Variants in FRMPD4 observed in about 807,000 individuals in gnomAD.
FRMPD4 encodes the protein FERM and PDZ domain containing 4, also known as FERM and PDZ domain-containing protein 4.
A neutral mutation model predicts 94.1 loss-of-function variants in FRMPD4; 22 were observed. The observed-to-expected ratio is 0.23, with a 90% confidence interval of 0.17 to 0.33. The LOEUF (loss-of-function observed/expected upper bound fraction) is 0.33. Ranked by LOEUF, FRMPD4 falls within the 10% of genes least tolerant of loss-of-function variation. FRMPD4 has a pLI of 1.00. For synonymous variants in FRMPD4, 631 were observed against 548.6 expected, an observed-to-expected ratio of 1.15 and a Z score of -2.10; for missense variants, 1,111 against 1,339.9, an observed-to-expected ratio of 0.83 and a Z score of 2.67.
chrX:12,662,972 A>G (rs2059733187), intron 4 of FRMPD4, among the ~76,000 whole-genome samples: 1 of 112,076 alleles, frequency 8.9e-6, no homozygotes, highest in Non-Finnish European at 1.9e-5. Context: ...ACTTTTTTTC[A>G]TATGTTTGTT....
chrX:12,465,660 G>A (rs2057441582), intron 1 of FRMPD4, among the ~76,000 whole-genome samples: 1 of 111,947 alleles, frequency 8.9e-6, no homozygotes, highest in African/African-American at 3.2e-5. Context: ...AATATTTAAA[G>A]ATCAGGGTTT....
chrX:12,605,448 C>G (rs2059122895), intron 2 of FRMPD4, among the ~76,000 whole-genome samples: 2 of 111,892 alleles, frequency 1.8e-5, no homozygotes. Flanking sequence ...GTCCAAGCCA[C>G]CGCCATCAGG....
chrX:12,640,338 AG>A (rs1475947903), intron 4 of FRMPD4, among the ~76,000 whole-genome samples: 1 of 106,670 alleles, frequency 9.4e-6, no homozygotes, highest in Non-Finnish European at 1.9e-5. Flanking sequence ...TAAGGAGAGA[AG>A]GGGGAAGGAG....
chrX:11,945,521 C>G (rs1382338360), intron 3 of FRMPD4, among the ~76,000 whole-genome samples: 1 of 111,583 alleles, frequency 9.0e-6, no homozygotes, highest in African/African-American at 3.3e-5. Context: ...ATACCCAAAG[C>G]TGGGTAATTT....
intron 4 of FRMPD4, among the ~76,000 whole-genome samples, chrX:12,659,203 T>C (rs1437671262): frequency 2.7e-5 from 3 of 112,526 alleles, no homozygotes; most frequent in African/African-American, 9.7e-5. Context: ...TTCCTACTCA[T>C]TGTTGCTAAC....
intron 1 of FRMPD4, among the ~76,000 whole-genome samples, chrX:12,208,995 ATTTG>A (rs1406244548): frequency 5.0e-4 from 56 of 111,810 alleles, no homozygotes; most frequent in Non-Finnish European, 1.3e-4. Flanking sequence ...AAGGTGATTA[ATTTG>A]TTTATTTTAA....
intron 3 of FRMPD4, among the ~76,000 whole-genome samples, chrX:12,057,489 G>A (rs1226409250): frequency 8.9e-6 from 1 of 111,759 alleles, no homozygotes; most frequent in African/African-American, 3.3e-5. Context: ...ACAATAAATT[G>A]AAGTATACTT....
At chrX:12,566,843 A>C (rs1436769037) in intron 2 of FRMPD4, among the ~76,000 whole-genome samples, 1 of 111,238 alleles carries the variant, frequency 9.0e-6, no homozygotes, top group African/African-American at 3.3e-5. Flanking sequence ...GTAGCAAAAA[A>C]TATTATTTCC....
chrX:12,337,508 T>C (rs1221963781), intron 1 of FRMPD4, among the ~76,000 whole-genome samples: 2 of 112,307 alleles, frequency 1.8e-5, no homozygotes, highest in Non-Finnish European at 3.8e-5. Flanking sequence ...AGTATACTTT[T>C]ATGAACTATC....
chrX:12,141,326 C>T (rs1984259120), intron 1 of FRMPD4, among the ~76,000 whole-genome samples: 1 of 111,555 alleles, frequency 9.0e-6, no homozygotes, highest in African/African-American at 3.3e-5. Context: ...ACCTTTGGTT[C>T]CTACAAACTT....
At position 12,502,773 on chromosome X, in the gene FRMPD4, T is replaced by C. The variant is rs764781758; in HGVS notation, c.158+3977T>C. Among the ~76,000 whole-genome samples, 3 of 112,050 alleles carry C rather than the reference T, an allele frequency of 2.7e-5. No individual in the cohort carries two copies. In the Admixed American group the frequency reaches 2.8e-4, roughly 11 times the overall value. On this transcript the variant is annotated intron_variant, in intron 2 of 16. Transcript: ENST00000675598. ...CATAGATGGATATAGACTATAGGTA[T>C]AGATGATAGAGCTATAGATATGGAT...
In FRMPD4 at chrX:12,202,327, G is replaced by A. The variant is rs371039171; in HGVS notation, c.41+63315G>A. Among the ~76,000 whole-genome samples the A allele has an allele frequency of 3.6e-5, 4 of 112,184 alleles. No homozygotes were observed. In the East Asian group the frequency reaches 1.1e-3, roughly 31 times the overall value. On this transcript the variant is annotated intron_variant, in intron 1 of 16. Coordinates refer to ENST00000675598, the MANE Select transcript of FRMPD4 (RefSeq NM_001368397.1). Reference sequence around the variant, plus strand: ...ATGTTGATGTCAAAATGTTTTTGTTGAATGAATGAACTGAACTATGTTTAT... The same window carrying A: ...ATGTTGATGTCAAAATGTTTTTGTTAAATGAATGAACTGAACTATGTTTAT...
intron 8 of FRMPD4, among the ~76,000 whole-genome samples, chrX:12,691,485 C>A (rs4357481): frequency 0.19 from 20,595 of 109,906 alleles, 1,754 homozygotes; most frequent in East Asian, 0.69. Flanking sequence ...TATTTTAAAT[C>A]ACTTCTAATG....
intron 1 of FRMPD4, among the ~76,000 whole-genome samples, chrX:12,230,947 A>AT (rs2056981584): frequency 5.3e-5 from 4 of 75,552 alleles, no homozygotes; most frequent in East Asian, 3.7e-4. Context: ...TATATATAGT[A>AT]ATATAGTATA....
At chrX:12,369,178 A>AT (rs996041101) in intron 1 of FRMPD4, among the ~76,000 whole-genome samples, 56 of 110,007 alleles carry the variant, frequency 5.1e-4, no homozygotes, top group African/African-American at 1.8e-3. Context: ...ATGTAAGGGC[A>AT]TTTTTTAAAT....
intron 1 of FRMPD4, among the ~76,000 whole-genome samples, chrX:12,450,995 G>T (rs2057263252): frequency 9.2e-6 from 1 of 108,737 alleles, no homozygotes. Flanking sequence ...TGGTCGACAA[G>T]GCCCTTCAGG....
At chrX:12,230,950 A>ATAG (rs1320246282) in intron 1 of FRMPD4, among the ~76,000 whole-genome samples, 1 of 73,940 alleles carries the variant, frequency 1.4e-5, no homozygotes, top group African/African-American at 5.9e-5. Context: ...ATATAGTAAT[A>ATAG]TAGTATATAT....
intron 2 of FRMPD4, among the ~76,000 whole-genome samples, chrX:12,509,203 A>G (rs964372820): frequency 9.0e-6 from 1 of 110,854 alleles, no homozygotes; most frequent in Non-Finnish European, 1.9e-5. Flanking sequence ...TAAAAGTAGA[A>G]CTACCATTTG....
At chrX:12,343,827 C>T (rs945495873) in intron 1 of FRMPD4, among the ~76,000 whole-genome samples, 1 of 111,810 alleles carries the variant, frequency 8.9e-6, no homozygotes, top group Non-Finnish European at 1.9e-5. Context: ...ACCTCAACAG[C>T]AGCCTCATAT....
Sources: allele counts gnomAD v4.1 joint callset (sites outside exome capture counted in the v4.1 genomes callset), GRCh38; gene constraint gnomAD v4.1.1; transcripts MANE v1.5; gene names NCBI Gene and HGNC (gene_info 2026-07-23, HGNC 2026-07-21).